ADAMTSL3: variants seen among roughly 807,000 people sequenced by gnomAD.
ADAMTSL3 encodes the protein ADAMTS like 3.
A neutral mutation model predicts 201.7 loss-of-function variants in ADAMTSL3; 128 were observed. That is an observed-to-expected ratio of 0.63 (90% CI 0.55 to 0.73). The LOEUF is 0.73. ADAMTSL3 is among the 30% of genes least tolerant of loss of function. The pLI is 0.00. For missense variants in ADAMTSL3, 1,990 were observed against 2,119.6 expected (o/e 0.94, Z 1.20); for synonymous variants, 738 against 748.4 (o/e 0.99, Z 0.23).
chr15:83,988,110 A>G (rs987044970), intron 21 of ADAMTSL3, among the ~76,000 whole-genome samples: 4 of 152,212 alleles, frequency 2.6e-5, no homozygotes, highest in South Asian at 2.1e-4. Flanking sequence ...GGGAAACCAT[A>G]ATGAACTCAT....
At position 84,038,114 on chromosome 15, in the gene ADAMTSL3, C is replaced by T. The variant is rs183173127; in HGVS notation, c.*308C>T. On this transcript the variant is annotated 3_prime_UTR_variant, in exon 30 of 30. Transcript: ENST00000286744. ...CACCAAGATTATGAGTGCATCCTCA[C>T]GTGCTGCCTCTTTCCTGTGATATGT... The T allele has an allele frequency of 8.6e-5, 26 of 302,870 alleles. No individual in the cohort carries two copies. The highest frequency in any genetic ancestry group is 7.0e-4 in the East Asian group (11 of 15,764). 18.8% of individuals were successfully genotyped at this position (302,870 alleles called of 1,614,324 possible).
chr15:83,797,042 G>A (rs534489686), intron 4 of ADAMTSL3, among the ~76,000 whole-genome samples: 3 of 151,998 alleles, frequency 2.0e-5, no homozygotes, highest in African/African-American at 4.8e-5. Context: ...AGGAAAATAC[G>A]GATAAATTCA....
intron 3 of ADAMTSL3, among the ~76,000 whole-genome samples, chr15:83,769,253 A>T (rs1014256545): frequency 1.3e-5 from 2 of 152,222 alleles, no homozygotes; most frequent in African/African-American, 4.8e-5. Flanking sequence ...GATGTTTTTC[A>T]ACTTTTCACA....
chr15:83,665,097 T>C (rs1366999156), intron 2 of ADAMTSL3, among the ~76,000 whole-genome samples: 2 of 152,106 alleles, frequency 1.3e-5, no homozygotes, highest in African/African-American at 4.8e-5. Flanking sequence ...GATGAGACCT[T>C]AAACTCAGTT....
intron 5 of ADAMTSL3, among the ~76,000 whole-genome samples, chr15:83,818,723 A>G (rs551867749): frequency 1.3e-5 from 2 of 152,332 alleles, no homozygotes; most frequent in African/African-American, 2.4e-5. Context: ...CTCAACTAGT[A>G]TCTTGCTTTG....
chr15:84,035,502 C>G (rs1040605709), intron 28 of ADAMTSL3, among the ~76,000 whole-genome samples: 13 of 152,162 alleles, frequency 8.5e-5, no homozygotes, highest in Admixed American at 2.0e-4. Flanking sequence ...AAGCAGCTAA[C>G]AGGACACCCA....
intron 3 of ADAMTSL3, among the ~76,000 whole-genome samples, chr15:83,751,177 T>C (rs1178105695): frequency 6.6e-6 from 1 of 152,166 alleles, no homozygotes; most frequent in East Asian, 1.9e-4. Context: ...AAAATTGAGC[T>C]GAAATTTGAA....
chr15:83,931,300 T>C (rs1271664203), intron 17 of ADAMTSL3, among the ~76,000 whole-genome samples: 1 of 152,250 alleles, frequency 6.6e-6, no homozygotes, highest in Non-Finnish European at 1.5e-5. Flanking sequence ...CAATTCTTTA[T>C]TGAGTTCATT....
intron 2 of ADAMTSL3, among the ~76,000 whole-genome samples, chr15:83,677,548 C>G (rs2061423631): frequency 6.6e-6 from 1 of 151,626 alleles, no homozygotes; most frequent in Admixed American, 6.6e-5. Context: ...CTGAGGTTTA[C>G]TTTATCTAAT....
rs572730466 is a variant in ADAMTSL3, at chr15:83,983,027, A to C, written c.3399A>C (p.Pro1133=). 5.0e-5 allele frequency: 81 copies of C among 1,614,194 alleles called. No homozygotes were observed. The African/African-American group carries it at 9.7e-4, about 19-fold the overall frequency. Residue 1133 remains proline (P), a synonymous_variant, in exon 21 of 30, where the codon CCA becomes CCC. Transcript: ENST00000286744. The part of the protein sequence containing the change: ...QLVAELAKAQ[P]THMQWRGIQE... ...TGGCCGAATTAGCCAAGGCACAGCCAACACACATGCAGTGGCGGGGCATCC... is the reference window on the plus strand; with the variant it reads ...TGGCCGAATTAGCCAAGGCACAGCCCACACACATGCAGTGGCGGGGCATCC...
intron 2 of ADAMTSL3, among the ~76,000 whole-genome samples, chr15:83,674,580 C>T (rs2141400294): frequency 6.6e-6 from 1 of 151,000 alleles, no homozygotes; most frequent in South Asian, 2.1e-4. Flanking sequence ...TATTTTAACT[C>T]TTCTAGATTC....
At chr15:83,743,429 C>T (rs893232423) in intron 3 of ADAMTSL3, among the ~76,000 whole-genome samples, 1 of 147,742 alleles carries the variant, frequency 6.8e-6, no homozygotes, top group South Asian at 2.1e-4. Context: ...AGGAGAATGG[C>T]GTGAACCCGG....
At chr15:84,033,694 C>T (rs2068448497) in intron 28 of ADAMTSL3, among the ~76,000 whole-genome samples, 1 of 151,998 alleles carries the variant, frequency 6.6e-6, no homozygotes, top group African/African-American at 2.4e-5. Context: ...AAAAAACGTG[C>T]TCAAGTCCTA....
chr15:83,656,196 T>C (rs1192874223), intron 2 of ADAMTSL3, among the ~76,000 whole-genome samples: 1 of 152,250 alleles, frequency 6.6e-6, no homozygotes, highest in African/African-American at 2.4e-5. Flanking sequence ...GTTCTGGCCC[T>C]AGCTAAGCTG....
chr15:83,971,999 G>A (rs1268435111), intron 20 of ADAMTSL3, among the ~76,000 whole-genome samples: 1 of 150,970 alleles, frequency 6.6e-6, no homozygotes, highest in Admixed American at 6.6e-5. Context: ...AACAAAATAA[G>A]ACAAATAATT....
At chr15:83,813,008 A>G (rs971668647) in intron 5 of ADAMTSL3, among the ~76,000 whole-genome samples, 1 of 152,228 alleles carries the variant, frequency 6.6e-6, no homozygotes, top group African/African-American at 2.4e-5. Flanking sequence ...TACACTGTAC[A>G]AGAGTATGGA....
At position 83,654,515 on chromosome 15, in the gene ADAMTSL3, G is replaced by A. The variant is rs1047368892; in HGVS notation, c.-34+239G>A. On this transcript the variant is annotated intron_variant, in intron 1 of 29. Coordinates refer to ENST00000286744, the MANE Select transcript of ADAMTSL3 (RefSeq NM_207517.3). The surrounding 1 kb of genome is among the most constrained non-coding windows in gnomAD (Gnocchi z 5.3). ...AAGGTTCAGGGAGAGTCTTTCGGCG[G>A]CAGTTCGCGGGCTGAGGGGCGTTCT... Among the ~76,000 whole-genome samples, 9 of 152,094 alleles carry A rather than the reference G, an allele frequency of 5.9e-5. No homozygotes were observed. Among genetic ancestry groups the A allele is most frequent in the Admixed American group, 1.3e-4 (2 of 15,290 alleles).
At chr15:83,851,155 T>TA (rs2064604113) in intron 7 of ADAMTSL3, among the ~76,000 whole-genome samples, 1 of 152,218 alleles carries the variant, frequency 6.6e-6, no homozygotes, top group African/African-American at 2.4e-5. Flanking sequence ...CTTATCAGCG[T>TA]ATCACAGAGA....
chr15:83,804,573 CTTT>C (rs59422343), intron 4 of ADAMTSL3, 74 bp from the exon 5 acceptor site: 4,235 of 647,182 alleles, frequency 6.5e-3, no homozygotes, highest in South Asian at 9.7e-3. Context: ...CTTGTATTTG[CTTT>C]TTTTTTTTTT....
Sources: gnomAD v4.1 joint callset for allele counts (sites outside exome capture counted in the v4.1 genomes callset) on GRCh38, gnomAD v4.1.1 for gene constraint, Gnocchi (gnomAD v3.1) non-coding constraint, MANE v1.5 for transcripts, NCBI Gene and HGNC (gene_info 2026-07-23, HGNC 2026-07-21) for gene names.